The following DLGAP1 variants were observed in gnomAD, a reference collection of about 807,000 sequenced individuals.
DLGAP1 encodes DLG associated protein 1, also known as disks large-associated protein 1.
DLGAP1 carries 11 observed loss-of-function variants against 90.8 expected under a neutral mutation model. That is an observed-to-expected ratio of 0.12 (90% CI 0.08 to 0.20). The LOEUF (loss-of-function observed/expected upper bound fraction) is 0.20, where lower values mean the gene tolerates loss of function less well. DLGAP1 is among the 10% of genes least tolerant of loss of function. The pLI is 1.00. For missense variants in DLGAP1, 1,050 were observed against 1,333.8 expected, an observed-to-expected ratio of 0.79 and a Z score of 3.31; for synonymous variants, 558 against 540.7, an observed-to-expected ratio of 1.03 and a Z score of -0.44.
intron 2 of DLGAP1, among the ~76,000 whole-genome samples, chr18:4,115,563 G>A (rs1468533640): frequency 2.6e-5 from 4 of 151,482 alleles, no homozygotes; most frequent in African/African-American, 4.9e-5. Flanking sequence ...TCGGCTCACC[G>A]CAAGCTCTGC....
intron 3 of DLGAP1, among the ~76,000 whole-genome samples, chr18:3,930,703 G>A (rs1050762061): frequency 2.0e-5 from 3 of 152,148 alleles, no homozygotes; most frequent in African/African-American, 4.8e-5. Context: ...CTTGAGGGCC[G>A]ACATGCTGAG....
At chr18:4,341,676 T>A (rs1349604220) in intron 1 of DLGAP1, among the ~76,000 whole-genome samples, 1 of 152,118 alleles carries the variant, frequency 6.6e-6, no homozygotes, top group Admixed American at 6.5e-5. Context: ...AGAAAAGCAG[T>A]CCTTACAGAC....
chr18:3,686,176 AAAC>A (rs2060697309), intron 7 of DLGAP1, among the ~76,000 whole-genome samples: 1 of 49,450 alleles, frequency 2.0e-5, no homozygotes, highest in Non-Finnish European at 3.5e-5. Flanking sequence ...CTCCATTTCA[AAAC>A]AAACAAACAA....
rs144217936 is a variant in DLGAP1, at chr18:3,725,650, C to T, written c.1591+3485G>A. On this transcript the variant is annotated intron_variant, in intron 7 of 12. Transcript: ENST00000315677. ...TGGTTTATATGAAAACTTGTTGAGTCTATTGGATGGAGAGAAATCTGGGTG... is the reference window on the plus strand; with the variant it reads ...TGGTTTATATGAAAACTTGTTGAGTTTATTGGATGGAGAGAAATCTGGGTG... 3.0e-4 allele frequency among the ~76,000 whole-genome samples: 45 copies of T among 152,230 alleles called. No individual in the cohort carries two copies. The East Asian group carries it at 6.0e-3, about 20-fold the overall frequency.
chr18:3,618,188 C>T (rs2057949766), intron 7 of DLGAP1, among the ~76,000 whole-genome samples: 1 of 152,202 alleles, frequency 6.6e-6, no homozygotes, highest in Non-Finnish European at 1.5e-5. Flanking sequence ...AAGACACAAC[C>T]TGTTCCAGGA....
At chr18:3,708,176 T>C (rs1390921768) in intron 7 of DLGAP1, among the ~76,000 whole-genome samples, 1 of 152,048 alleles carries the variant, frequency 6.6e-6, no homozygotes, top group Non-Finnish European at 1.5e-5. Flanking sequence ...CAGCTAATTT[T>C]TGTACTTTTC....
At chr18:3,845,738 T>C (rs2068970116) in intron 4 of DLGAP1, 1 of 382,326 alleles carries the variant, frequency 2.6e-6, no homozygotes, top group Admixed American at 6.4e-5. Flanking sequence ...GCATGCCTGA[T>C]TGTCTGACTA....
At chr18:3,520,489 A>G (rs2051111993) in intron 10 of DLGAP1, among the ~76,000 whole-genome samples, 2 of 152,226 alleles carry the variant, frequency 1.3e-5, no homozygotes, top group South Asian at 4.1e-4. Flanking sequence ...CTCTGGAGAT[A>G]ACGTTCTTAA....
intron 2 of DLGAP1, among the ~76,000 whole-genome samples, chr18:4,025,717 C>T (rs1056740078): frequency 1.7e-4 from 26 of 152,100 alleles, no homozygotes; most frequent in African/African-American, 6.0e-4. Context: ...CTATTTTCTG[C>T]TGATAATTAC....
chr18:3,895,587 G>T (rs1169202397), intron 3 of DLGAP1, among the ~76,000 whole-genome samples: 2 of 152,180 alleles, frequency 1.3e-5, no homozygotes, highest in Non-Finnish European at 1.5e-5. Flanking sequence ...TTTCCTGCTC[G>T]GTAAACAAGA....
In DLGAP1 at chr18:4,142,248, A is replaced by T. The variant is rs573357051; in HGVS notation, c.-159+8932T>A. Among the ~76,000 whole-genome samples the T allele has an allele frequency of 3.0e-4, 45 of 152,344 alleles. No individual in the cohort carries two copies. In the South Asian group the frequency reaches 3.5e-3, roughly 12 times the overall value. On this transcript the variant is annotated intron_variant, in intron 2 of 12. Coordinates refer to ENST00000315677, the MANE Select transcript of DLGAP1 (RefSeq NM_004746.4). ...TGTTTTCTAAGGAAATTATTCTATC[A>T]TCCAAAAATAACATTTATGCTTCTT... is the stretch of plus-strand genomic sequence containing the variant.
At chr18:3,854,828 C>T (rs1041933424) in intron 4 of DLGAP1, among the ~76,000 whole-genome samples, 2 of 152,162 alleles carry the variant, frequency 1.3e-5, no homozygotes, top group African/African-American at 4.8e-5. Context: ...CAAGCTGGTA[C>T]TTTGATAGAA....
chr18:3,926,417 TATATACACAC>T (rs1300307992), intron 3 of DLGAP1, among the ~76,000 whole-genome samples: 18 of 121,636 alleles, frequency 1.5e-4, no homozygotes, highest in African/African-American at 4.8e-4. Context: ...TATATATATA[TATATACACAC>T]ACACACACAC....
intron 3 of DLGAP1, among the ~76,000 whole-genome samples, chr18:3,949,212 TG>T (rs2072934478): frequency 6.6e-6 from 1 of 152,218 alleles, no homozygotes; most frequent in Non-Finnish European, 1.5e-5. Flanking sequence ...AAGGGCTCAC[TG>T]CAAACTGTAT....
At chr18:3,596,717 G>A (rs993500615) in intron 7 of DLGAP1, 5 of 436,676 alleles carry the variant, frequency 1.1e-5, no homozygotes, top group African/African-American at 2.1e-5. Context: ...GGCGTGAACA[G>A]GGATGAGAAG....
chr18:3,676,692 GT>G (rs55879211), intron 7 of DLGAP1, among the ~76,000 whole-genome samples: 83,303 of 146,906 alleles, frequency 0.57, 24,478 homozygotes, highest in East Asian at 0.82. Flanking sequence ...TACTTCTCCT[GT>G]TTTTTTTTTT....
At chr18:3,875,137 A>T (rs1273351269) in intron 4 of DLGAP1, among the ~76,000 whole-genome samples, 1 of 152,198 alleles carries the variant, frequency 6.6e-6, no homozygotes, top group South Asian at 2.1e-4. Context: ...CAGTTGTTTC[A>T]TTGTTAGTCT....
At chr18:4,080,379 T>C (rs1283363777) in intron 2 of DLGAP1, among the ~76,000 whole-genome samples, 3 of 152,194 alleles carry the variant, frequency 2.0e-5, no homozygotes, top group Non-Finnish European at 4.4e-5. Flanking sequence ...AGAATGTTTG[T>C]TTTTCTTATT....
At chr18:4,339,149 T>C (rs2081136273) in intron 1 of DLGAP1, among the ~76,000 whole-genome samples, 1 of 152,216 alleles carries the variant, frequency 6.6e-6, no homozygotes, top group Non-Finnish European at 1.5e-5. Flanking sequence ...TCTTTCAGTC[T>C]ACTGAGTTAA....
Sources: allele counts gnomAD v4.1 joint callset (sites outside exome capture counted in the v4.1 genomes callset), GRCh38; gene constraint gnomAD v4.1.1; transcripts MANE v1.5; gene names NCBI Gene and HGNC (gene_info 2026-07-23, HGNC 2026-07-21).